Variants in DLG5 observed in about 807,000 individuals in gnomAD.
DLG5 encodes the protein disks large homolog 5.
A neutral mutation model predicts 189.8 loss-of-function variants in DLG5; 48 were observed. That is an observed-to-expected ratio of 0.25 (90% confidence interval 0.20 to 0.32). The LOEUF is 0.32. DLG5 is among the 10% of genes least tolerant of loss of function. The pLI is 1.00. For missense variants in DLG5, 2,160 were observed against 2,544.7 expected (o/e 0.85, Z 3.25); for synonymous variants, 1,016 against 1,054.1 (o/e 0.96, Z 0.70).
In DLG5 at chr10:77,830,752, C is replaced by T. The variant is rs77492655; in HGVS notation, c.1870G>A (p.Glu624Lys). Reference protein sequence around the residue: ...MEWETEVVEFERETEDIDLKA... With the variant: ...MEWETEVVEFKRETEDIDLKA... ...CAGAGGCAGCTTACCGTCTCCCTCT[C>T]GAACTCTACAACTTCCGTTTCCCAC... The change falls in exon 10 of 32, where the codon GAG becomes AAG. Residue 624 changes from glutamate to lysine, a missense_variant. Glu to Lys is a moderately conservative substitution (Grantham distance 56). Transcript: ENST00000372391. The T allele has an allele frequency of 2.1e-5, 34 of 1,614,064 alleles. No homozygotes were observed. Among genetic ancestry groups the T allele is most frequent in the South Asian group, 1.6e-4 (15 of 91,084 alleles).
At chr10:77,811,550 G>GCCTCCCCTTCTTTA (rs1360802407) in intron 22 of DLG5, among the ~76,000 whole-genome samples, 15 of 152,218 alleles carry the variant, frequency 9.9e-5, no homozygotes, top group African/African-American at 3.6e-4. Flanking sequence ...TGCAGGGCAT[G>GCCTCCCCTTCTTTA]CCTCCCCTTC....
Position 77,869,017 on chromosome 10 carries a change from G to A in DLG5, c.373+112C>T, listed in dbSNP as rs1215631072. ...ATGAAATCAACGGAAGGATGATCCT[G>A]TGAGTAATCTGACAAGGGAGAACCA... is the stretch of plus-strand genomic sequence containing the variant. On this transcript the variant is annotated intron_variant, in intron 2 of 31. Transcript: ENST00000372391. 4.4e-5 allele frequency: 37 copies of A among 835,142 alleles called. No individual in the cohort carries two copies. The Admixed American group carries it at 8.6e-4, about 19-fold the overall frequency. 51.7% of individuals were successfully genotyped at this position (835,142 alleles called of 1,614,324 possible).
At chr10:77,856,591 A>G (rs907240201) in intron 3 of DLG5, 139 bp downstream of exon 3, 23 of 1,128,246 alleles carry the variant, frequency 2.0e-5, no homozygotes, top group Middle Eastern at 3.0e-4. Context: ...ATTTCTGGAC[A>G]TGAGGTGGGG....
At chr10:77,904,610 G>A (rs747922450) in intron 1 of DLG5, among the ~76,000 whole-genome samples, 19 of 151,904 alleles carry the variant, frequency 1.3e-4, no homozygotes, top group South Asian at 2.1e-4. Context: ...AGTAAGTCTC[G>A]GGAGATCTGA....
intron 24 of DLG5, among the ~76,000 whole-genome samples, chr10:77,808,820 C>A (rs1286634185): frequency 6.6e-6 from 1 of 152,246 alleles, no homozygotes; most frequent in Non-Finnish European, 1.5e-5. Flanking sequence ...CCTGGCCAGG[C>A]ACAGTGGCTC....
intron 20 of DLG5, among the ~76,000 whole-genome samples, chr10:77,813,890 G>C (rs754405916): frequency 1.3e-5 from 2 of 152,226 alleles, no homozygotes; most frequent in Non-Finnish European, 2.9e-5. Flanking sequence ...AGTATGTGTG[G>C]ATTTATGCAC....
intron 7 of DLG5, among the ~76,000 whole-genome samples, chr10:77,839,346 CA>C (rs771879820): frequency 9.9e-5 from 15 of 151,984 alleles, no homozygotes; most frequent in Non-Finnish European, 2.2e-4. Flanking sequence ...ACTAAAAATA[CA>C]AAAATTAGCT....
intron 1 of DLG5, among the ~76,000 whole-genome samples, chr10:77,871,745 T>C (rs1039077145): frequency 6.6e-6 from 1 of 151,914 alleles, no homozygotes; most frequent in African/African-American, 2.4e-5. Flanking sequence ...GGTTTTGCTA[T>C]GTTGGCCAGG....
chr10:77,924,333 C>T (rs1846622367), intron 1 of DLG5, among the ~76,000 whole-genome samples: 1 of 152,166 alleles, frequency 6.6e-6, no homozygotes, highest in African/African-American at 2.4e-5. Flanking sequence ...CTCTGCCTTC[C>T]TTAGAGGTCA....
chr10:77,908,349 C>A (rs1385751549), intron 1 of DLG5, among the ~76,000 whole-genome samples: 1 of 152,124 alleles, frequency 6.6e-6, no homozygotes, highest in Non-Finnish European at 1.5e-5. Context: ...CCTCACCTAC[C>A]CACCTGCGGC....
chr10:77,796,669 T>G lies in DLG5; in HGVS notation c.5165-75A>C. On this transcript the variant is annotated intron_variant, in intron 27 of 31. Coordinates refer to ENST00000372391, the MANE Select transcript of DLG5 (RefSeq NM_004747.4). The surrounding 1 kb of genome is among the most constrained non-coding windows in gnomAD (Gnocchi z 5.2). ...CCTGAGTGGGGCTGGGGAACCCCGC[T>G]CCCTGACCTCGCCCACTCTGGTTTG... 6.3e-7 allele frequency: 1 copy of G among 1,579,140 alleles called. No homozygotes were observed. The highest frequency in any genetic ancestry group is 8.6e-7 in the Non-Finnish European group (1 of 1,156,726).
intron 4 of DLG5, among the ~76,000 whole-genome samples, chr10:77,853,779 G>A (rs999742040): frequency 6.6e-6 from 1 of 152,244 alleles, no homozygotes; most frequent in Admixed American, 6.5e-5. Context: ...TCCAGGGAAG[G>A]GAGACAGGCC....
intron 5 of DLG5, among the ~76,000 whole-genome samples, chr10:77,851,185 C>CCTTA (rs1843957348): frequency 6.6e-6 from 1 of 152,238 alleles, no homozygotes; most frequent in Non-Finnish European, 1.5e-5. Context: ...GCACCGCCAT[C>CCTTA]CTTACCTGCT....
intron 26 of DLG5, 78 bp downstream of exon 26, chr10:77,806,680 C>G (rs1159486789): frequency 1.3e-6 from 2 of 1,496,130 alleles, no homozygotes; most frequent in Non-Finnish European, 1.8e-6. Context: ...CCCCAGCCCC[C>G]TCCCATGGGA....
chr10:77,927,012 A>C (rs1330271966), upstream of DLG5: 1 of 332,446 alleles, frequency 3.0e-6, no homozygotes, highest in South Asian at 2.1e-5. Context: ...CCCGGCTCGG[A>C]GGCCGCCTCG....
chr10:77,794,757 A>AC (rs1348280769), intron 30 of DLG5, 92 bp downstream of exon 30: 7 of 961,280 alleles, frequency 7.3e-6, no homozygotes, highest in African/African-American at 4.8e-5. Context: ...TCATTCCTCA[A>AC]CCCCCCACCC....
At chr10:77,865,589 A>C (rs1564561078) in intron 2 of DLG5, among the ~76,000 whole-genome samples, 1 of 152,210 alleles carries the variant, frequency 6.6e-6, no homozygotes, top group Non-Finnish European at 1.5e-5. Context: ...CAGTTTTCCA[A>C]GATGAGAAAT....
chr10:77,850,638 C>T (rs1025693484), intron 5 of DLG5, among the ~76,000 whole-genome samples: 1 of 152,134 alleles, frequency 6.6e-6, no homozygotes, highest in Non-Finnish European at 1.5e-5. Context: ...TTTATTCCCA[C>T]CAACAACATA....
intron 2 of DLG5, among the ~76,000 whole-genome samples, chr10:77,861,867 A>G (rs1178190434): frequency 6.6e-6 from 1 of 152,204 alleles, no homozygotes; most frequent in Admixed American, 6.5e-5. Context: ...TACAGGACAC[A>G]TACAGAAAGT....
Sources: allele counts gnomAD v4.1 joint callset (sites outside exome capture counted in the v4.1 genomes callset), GRCh38; gene constraint gnomAD v4.1.1; non-coding constraint Gnocchi (gnomAD v3.1); transcripts MANE v1.5; gene names NCBI Gene and HGNC (gene_info 2026-07-23, HGNC 2026-07-21).